MYO6: variants seen among roughly 807,000 people sequenced by gnomAD.
MYO6 encodes the protein unconventional myosin-VI.
In MYO6, 74 loss-of-function variants were observed where a neutral mutation model predicts 178.7. The ratio of observed to expected loss-of-function variants is 0.41; its 90% CI spans 0.34 to 0.50. The LOEUF is 0.50. Ranked by LOEUF, MYO6 falls within the 20% of genes least tolerant of loss-of-function variation. The pLI is 0.09. For synonymous variants in MYO6, 477 were observed against 504.6 expected, an observed-to-expected ratio of 0.95 and a Z score of 0.73; for missense variants, 1,330 against 1,547.4, an observed-to-expected ratio of 0.86 and a Z score of 2.36.
intron 18 of MYO6, among the ~76,000 whole-genome samples, chr6:75,869,863 TAGC>T (rs1193930500): frequency 1.3e-5 from 2 of 152,102 alleles, no homozygotes; most frequent in Non-Finnish European, 2.9e-5. Flanking sequence ...CCTGTAATCC[TAGC>T]ACTTTGGGAG....
At chr6:75,826,766 CTCTCTTT>C (rs1166260310) in intron 3 of MYO6, among the ~76,000 whole-genome samples, 1 of 152,154 alleles carries the variant, frequency 6.6e-6, no homozygotes. Flanking sequence ...CCACTTCTTA[CTCTCTTT>C]TATTCTGCCC....
At chr6:75,840,159 A>ATTT (rs71002767) in intron 7 of MYO6, among the ~76,000 whole-genome samples, 7 of 131,878 alleles carry the variant, frequency 5.3e-5, no homozygotes, top group Admixed American at 1.6e-4. Flanking sequence ...CTTCATGTTA[A>ATTT]TTTTTTTTTT....
At chr6:75,763,761 GTATTTT>G (rs1372445251) in intron 1 of MYO6, among the ~76,000 whole-genome samples, 1 of 152,092 alleles carries the variant, frequency 6.6e-6, no homozygotes, top group Non-Finnish European at 1.5e-5. Flanking sequence ...GCCAAAATCA[GTATTTT>G]ATGATTCTGA....
chr6:75,754,590 G>A (rs1350486929), intron 1 of MYO6, among the ~76,000 whole-genome samples: 1 of 148,876 alleles, frequency 6.7e-6, no homozygotes, highest in Non-Finnish European at 1.5e-5. Context: ...ATTTTCTGTG[G>A]CAGAATTTTT....
intron 20 of MYO6, among the ~76,000 whole-genome samples, chr6:75,874,984 G>A (rs1247881379): frequency 6.6e-6 from 1 of 152,156 alleles, no homozygotes. Flanking sequence ...CCTTTTCTTG[G>A]TTCCTGACAT....
chr6:75,803,486 G>A (rs773141254), intron 1 of MYO6, among the ~76,000 whole-genome samples: 6 of 152,152 alleles, frequency 3.9e-5, no homozygotes, highest in Admixed American at 3.9e-4. Context: ...ACTTTCAGAA[G>A]GGGTGTCATA....
At chr6:75,842,480 GTGCGTGTGTGTT>G (rs1412643447) in intron 9 of MYO6, among the ~76,000 whole-genome samples, 1 of 152,172 alleles carries the variant, frequency 6.6e-6, no homozygotes, top group Non-Finnish European at 1.5e-5. Flanking sequence ...GGTTGTGTGT[GTGCGTGTGTGTT>G]TGCAGACAGC....
chr6:75,760,085 C>G (rs182112076), intron 1 of MYO6, among the ~76,000 whole-genome samples: 1 of 152,106 alleles, frequency 6.6e-6, no homozygotes, highest in African/African-American at 2.4e-5. Context: ...AGCAAGAGCA[C>G]TAGAACATAG....
intron 4 of MYO6, 121 bp from the exon 5 acceptor site, chr6:75,830,295 T>C (rs1302885897): frequency 3.7e-6 from 3 of 811,498 alleles, no homozygotes; most frequent in East Asian, 2.7e-5. Context: ...AGGACTGATT[T>C]GGGAGTCTTA....
chr6:75,795,286 A>G (rs2150099350), intron 1 of MYO6, among the ~76,000 whole-genome samples: 1 of 152,232 alleles, frequency 6.6e-6, no homozygotes, highest in South Asian at 2.1e-4. Context: ...TTATTGTGAG[A>G]TCTACTTTAA....
intron 30 of MYO6, among the ~76,000 whole-genome samples, chr6:75,902,953 A>G (rs1160360575): frequency 6.6e-6 from 1 of 151,604 alleles, no homozygotes; most frequent in Non-Finnish European, 1.5e-5. Context: ...TTCAAAGAAC[A>G]TCTTTATTTC....
rs202127348 is a variant in MYO6 at position 75,914,288 on chromosome 6, A to T, written c.3658+7A>T. The T allele has an allele frequency of 6.2e-7, 1 of 1,613,664 alleles. No homozygotes were observed. The highest frequency in any genetic ancestry group is 8.5e-7 in the Non-Finnish European group (1 of 1,179,562). On this transcript the variant is annotated splice_region_variant and intron_variant, in intron 34 of 34. Coordinates refer to ENST00000369977, the MANE Select transcript of MYO6 (RefSeq NM_004999.4). ...CCCATCCTACTTGTGGCTGGTGTGT[A>T]TGATTCACATGGAAAACAAATTATA...
chr6:75,784,677 T>C (rs1017238713), intron 1 of MYO6, among the ~76,000 whole-genome samples: 5 of 148,296 alleles, frequency 3.4e-5, no homozygotes, highest in Non-Finnish European at 5.9e-5. Flanking sequence ...CTTGGGAGGC[T>C]GAGGCAGGAG....
chr6:75,853,371 C>T (rs1265941518), intron 11 of MYO6, among the ~76,000 whole-genome samples: 1 of 151,858 alleles, frequency 6.6e-6, no homozygotes, highest in African/African-American at 2.4e-5. Flanking sequence ...TCTTTTATTG[C>T]TTGTGATTTT....
chr6:75,887,986 AT>A (rs751216393), intron 25 of MYO6, among the ~76,000 whole-genome samples: 2 of 151,312 alleles, frequency 1.3e-5, no homozygotes, highest in Non-Finnish European at 2.9e-5. Flanking sequence ...CTCAAAAAAA[AT>A]AAATAAATAA....
intron 13 of MYO6, 21 bp downstream of exon 13, chr6:75,857,275 G>T: frequency 3.7e-6 from 6 of 1,605,574 alleles, no homozygotes; most frequent in Non-Finnish European, 5.1e-6. Flanking sequence ...TTTCTTTTGT[G>T]AGTATATATT....
intron 1 of MYO6, among the ~76,000 whole-genome samples, chr6:75,779,040 G>A (rs1029656773): frequency 4.7e-4 from 55 of 118,182 alleles, no homozygotes; most frequent in African/African-American, 1.8e-3. Context: ...CTGGATGACA[G>A]AGTGAGACTT....
intron 1 of MYO6, among the ~76,000 whole-genome samples, chr6:75,757,654 C>A (rs1484518088): frequency 1.3e-5 from 2 of 151,880 alleles, no homozygotes; most frequent in African/African-American, 4.8e-5. Context: ...TTGTCCAGCT[C>A]CTGGGTAAGA....
chr6:75,842,202 G>GCACA (rs375234110), intron 9 of MYO6, among the ~76,000 whole-genome samples: 77 of 148,960 alleles, frequency 5.2e-4, no homozygotes, highest in African/African-American at 1.2e-3. Context: ...ACACACACAT[G>GCACA]CACACACACA....
Sources: allele counts gnomAD v4.1 joint callset (sites outside exome capture counted in the v4.1 genomes callset), GRCh38; gene constraint gnomAD v4.1.1; transcripts MANE v1.5; gene names NCBI Gene and HGNC (gene_info 2026-07-23, HGNC 2026-07-21).